Variants in DLAT observed in about 807,000 individuals in gnomAD.
The protein encoded by DLAT is dihydrolipoyllysine-residue acetyltransferase component of pyruvate dehydrogenase complex, mitochondrial.
In DLAT, 43 loss-of-function variants were observed where a neutral mutation model predicts 68.0. That is an observed-to-expected ratio of 0.63 (90% CI 0.50 to 0.81). The LOEUF is 0.81. Ranked by LOEUF, DLAT falls within the 40% of genes least tolerant of loss-of-function variation. DLAT has a pLI of 0.00. For missense variants in DLAT, 745 were observed against 815.4 expected (o/e 0.91, Z 1.05); for synonymous variants, 265 against 288.6 (o/e 0.92, Z 0.83).
chr11:112,054,837 G>T (rs1863908519), intron 11 of DLAT, among the ~76,000 whole-genome samples: 1 of 152,152 alleles, frequency 6.6e-6, no homozygotes, highest in Non-Finnish European at 1.5e-5. Context: ...GCCTTTTCCA[G>T]TTCTGGTGGC....
chr11:112,040,177 A>G (rs1555180911), intron 7 of DLAT, among the ~76,000 whole-genome samples: 1 of 152,084 alleles, frequency 6.6e-6, no homozygotes, highest in Non-Finnish European at 1.5e-5. Context: ...AGTTTTTTTG[A>G]ATTAAACTTA....
intron 11 of DLAT, among the ~76,000 whole-genome samples, 190 bp from the exon 12 acceptor site, chr11:112,059,713 C>G (rs1427710033): frequency 6.6e-6 from 1 of 152,108 alleles, no homozygotes; most frequent in Non-Finnish European, 1.5e-5. Flanking sequence ...TTTTTAATAA[C>G]TACAAGTCAA....
At chr11:112,055,692 T>G (rs2137860093) in intron 11 of DLAT, among the ~76,000 whole-genome samples, 1 of 152,032 alleles carries the variant, frequency 6.6e-6, no homozygotes, top group Middle Eastern at 3.4e-3. Context: ...GCATTCCTTT[T>G]CCGTGCTATG....
rs201291568 is a variant in DLAT, at chr11:112,061,178, A to G, written c.1814+4A>G. ...TCCCTGCAGATAATGAAAAAGGGTA[A>G]GTGCCAAAATGGAGGGGAAGTCGTA... is the stretch of plus-strand genomic sequence containing the variant. On this transcript the variant is annotated splice_donor_region_variant and intron_variant, in intron 13 of 13. Transcript: ENST00000280346. 5.6e-6 allele frequency: 9 copies of G among 1,614,060 alleles called. No individual in the cohort carries two copies. In the African/African-American group the frequency reaches 1.1e-4, roughly 19 times the overall value.
In DLAT at chr11:112,026,235, G is replaced by C. The variant is rs1297122697; in HGVS notation, c.317G>C (p.Gly106Ala). The change falls in exon 2 of 14, where the codon GGC (glycine) becomes GCC (alanine). Residue 106 changes from glycine to alanine, a missense_variant. Physicochemically the swap from Gly to Ala is moderately conservative, Grantham distance 60 (BLOSUM62 0). Coordinates refer to ENST00000280346, the MANE Select transcript of DLAT (RefSeq NM_001931.5). ...LPSLSPTMQA[G>A]TIARWEKKEG... ...TCTCTTTCCCCCACAATGCAGGCAG[G>C]CACCATAGCCCGTTGGGAAAAAAAA... 2.5e-6 allele frequency: 4 copies of C among 1,611,734 alleles called. No homozygotes were observed. Among genetic ancestry groups the C allele is most frequent in the East Asian group, 2.2e-5 (1 of 44,860 alleles).
At chr11:112,039,649 A>G (rs1466363009) in intron 7 of DLAT, among the ~76,000 whole-genome samples, 1 of 151,888 alleles carries the variant, frequency 6.6e-6, no homozygotes, top group African/African-American at 2.4e-5. Flanking sequence ...TTCCTCTTCT[A>G]TTCATGGAAA....
chr11:112,063,858 T>A lies in DLAT; in HGVS notation c.*1323T>A, dbSNP rs1864789958. 1 of 230,966 alleles carries A rather than the reference T, an allele frequency of 4.3e-6. No homozygotes were observed. The highest frequency in any genetic ancestry group is 8.3e-6 in the Non-Finnish European group (1 of 120,722). 14.3% of individuals were successfully genotyped at this position (230,966 alleles called of 1,614,324 possible). ...ATATTTATGTGTTTTAATAAACGTT[T>A]GAAATTATTTATGACTACTTAAAAT... On this transcript the variant is annotated 3_prime_UTR_variant, in exon 14 of 14. Transcript: ENST00000280346.
intron 2 of DLAT, among the ~76,000 whole-genome samples, chr11:112,027,300 C>T (rs868914939): frequency 2.2e-3 from 294 of 133,158 alleles, no homozygotes; most frequent in Non-Finnish European, 3.2e-3. Context: ...ACATCCCAGA[C>T]GGGGCGGCGG....
intron 7 of DLAT, among the ~76,000 whole-genome samples, chr11:112,042,119 G>A (rs112753326): frequency 1.3e-5 from 2 of 152,302 alleles, no homozygotes; most frequent in Non-Finnish European, 2.9e-5. Context: ...TGGATGAAAC[G>A]TTTATATAGT....
At position 112,034,591 on chromosome 11, in the gene DLAT, C is replaced by T. The variant is rs1269140871; in HGVS notation, c.787+1061C>T. On this transcript the variant is annotated intron_variant, in intron 5 of 13. Coordinates refer to ENST00000280346, the MANE Select transcript of DLAT (RefSeq NM_001931.5). Reference sequence around the variant, plus strand: ...CCGAGTAGCTGGGACTACAGGTGCCCGCTGCCACGCCTGGCTAATTTTTTG... The same window carrying T: ...CCGAGTAGCTGGGACTACAGGTGCCTGCTGCCACGCCTGGCTAATTTTTTG... Among the ~76,000 whole-genome samples, 7 of 150,612 alleles carry T rather than the reference C, an allele frequency of 4.6e-5. No individual in the cohort carries two copies. In the South Asian group the frequency reaches 8.4e-4, roughly 18 times the overall value.
rs587656289 is a variant in DLAT, at chr11:112,050,097, C to T, written c.1399-1137C>T. Among the ~76,000 whole-genome samples, 140 of 152,288 alleles carry T rather than the reference C, an allele frequency of 9.2e-4. 1 individual carries two copies. Among genetic ancestry groups the T allele is most frequent in the African/African-American group, 3.0e-3 (126 of 41,560 alleles). On this transcript the variant is annotated intron_variant, in intron 10 of 13. Coordinates refer to ENST00000280346, the MANE Select transcript of DLAT (RefSeq NM_001931.5). Reference sequence around the variant, plus strand: ...CATGAAAAGGGGTATTGAATTTTATCAAATGCTCTTTCTGTGTCTGTTGAG... The same window carrying T: ...CATGAAAAGGGGTATTGAATTTTATTAAATGCTCTTTCTGTGTCTGTTGAG...
chr11:112,028,729 T>C (rs1592659429), intron 3 of DLAT, 63 bp from the exon 4 acceptor site: 14 of 1,613,936 alleles, frequency 8.7e-6, no homozygotes, highest in Non-Finnish European at 1.1e-5. Flanking sequence ...GACTATTTTT[T>C]AAGACTACTT....
At chr11:112,045,409 C>G (rs1308953424) in intron 9 of DLAT, among the ~76,000 whole-genome samples, 179 bp downstream of exon 9, 3 of 152,090 alleles carry the variant, frequency 2.0e-5, no homozygotes, top group Non-Finnish European at 4.4e-5. Flanking sequence ...TTAGAAGGGC[C>G]AGGCGCAGTA....
intron 9 of DLAT, among the ~76,000 whole-genome samples, chr11:112,045,658 A>C (rs1189842972): frequency 1.3e-5 from 2 of 151,848 alleles, no homozygotes; most frequent in Non-Finnish European, 2.9e-5. Context: ...ACCGCACTCC[A>C]GCCTGGGCAA....
chr11:112,047,400 C>T lies in DLAT; in HGVS notation c.1398+1430C>T, dbSNP rs587648296. On this transcript the variant is annotated intron_variant, in intron 10 of 13. Coordinates refer to ENST00000280346, the MANE Select transcript of DLAT (RefSeq NM_001931.5). ...GATGGATAGATTTCAAAAATTTTCTCCCATTCTGTAGGTTGCCTGTTCACT... is the reference window on the plus strand; with the variant it reads ...GATGGATAGATTTCAAAAATTTTCTTCCATTCTGTAGGTTGCCTGTTCACT... 2.0e-5 allele frequency among the ~76,000 whole-genome samples: 3 copies of T among 152,218 alleles called. No homozygotes were observed. In the South Asian group the frequency reaches 6.2e-4, roughly 32 times the overall value.
At chr11:112,030,208 CTTTTCTGAAT>C in intron 4 of DLAT, 1 of 590,526 alleles carries the variant, frequency 1.7e-6, no homozygotes, top group Non-Finnish European at 3.3e-6. Context: ...GGAACCCCAT[CTTTTCTGAAT>C]TCTCTAGTGC....
chr11:112,032,409 T>G (rs899383248), intron 4 of DLAT: 3 of 152,190 alleles, frequency 2.0e-5, no homozygotes, highest in Non-Finnish European at 4.4e-5. Flanking sequence ...TATAGACTTA[T>G]CTTTTAGGCC....
chr11:112,034,737 T>C lies in DLAT; in HGVS notation c.787+1207T>C, dbSNP rs185455464. On this transcript the variant is annotated intron_variant, in intron 5 of 13. Transcript: ENST00000280346. ...GATTACAGGCGTGAGCCATGGCGAT[T>C]TGTAGTATTATGAATTTCTTCTCTC... Among the ~76,000 whole-genome samples, 405 of 150,616 alleles carry C rather than the reference T, an allele frequency of 2.7e-3. 1 individual carries two copies. Among genetic ancestry groups the C allele is most frequent in the Non-Finnish European group, 4.3e-3 (292 of 67,652 alleles).
chr11:112,031,026 C>T (rs782499785), intron 4 of DLAT, among the ~76,000 whole-genome samples: 7 of 152,132 alleles, frequency 4.6e-5, no homozygotes, highest in Non-Finnish European at 1.0e-4. Flanking sequence ...CTTAATTATT[C>T]TTTAAGATAC....
Sources: gnomAD v4.1 joint callset for allele counts (sites outside exome capture counted in the v4.1 genomes callset) on GRCh38, gnomAD v4.1.1 for gene constraint, MANE v1.5 for transcripts, NCBI Gene and HGNC (gene_info 2026-07-23, HGNC 2026-07-21) for gene names.